Variants in GRIN2A observed in about 807,000 individuals in gnomAD.
GRIN2A encodes glutamate ionotropic receptor NMDA type subunit 2A, also known as glutamate receptor ionotropic, NMDA 2A.
Under a neutral mutation model 113.4 loss-of-function variants are expected in GRIN2A, and 22 were observed. The ratio of observed to expected loss-of-function variants is 0.19; its 90% CI spans 0.14 to 0.28. The LOEUF (loss-of-function observed/expected upper bound fraction) is 0.28, where lower values mean the gene tolerates loss of function less well. Ranked by LOEUF, GRIN2A falls within the 10% of genes least tolerant of loss-of-function variation. The pLI, the probability that GRIN2A is intolerant of heterozygous loss-of-function variation, is 1.00. For missense variants in GRIN2A, 1,502 were observed against 1,887.0 expected (o/e 0.80, Z 3.78); for synonymous variants, 827 against 738.4 (o/e 1.12, Z -1.94).
intron 2 of GRIN2A, among the ~76,000 whole-genome samples, chr16:9,951,753 T>C (rs2045189047): frequency 6.6e-6 from 1 of 152,190 alleles, no homozygotes; most frequent in Non-Finnish European, 1.5e-5. Flanking sequence ...CAAATTACTA[T>C]TTGAAAGGAG....
chr16:10,089,000 T>C (rs532213039), intron 2 of GRIN2A, among the ~76,000 whole-genome samples: 102 of 152,356 alleles, frequency 6.7e-4, no homozygotes, highest in Middle Eastern at 6.8e-3. Flanking sequence ...AGTTACATAA[T>C]GTCTCTCCTC....
chr16:9,921,528 A>C (rs1389122773), intron 3 of GRIN2A, among the ~76,000 whole-genome samples: 1 of 152,238 alleles, frequency 6.6e-6, no homozygotes, highest in Non-Finnish European at 1.5e-5. Flanking sequence ...TGAAAATAGA[A>C]ATAACACTAC....
At chr16:9,831,514 C>G (rs1015732489) in intron 8 of GRIN2A, among the ~76,000 whole-genome samples, 2 of 124,094 alleles carry the variant, frequency 1.6e-5, no homozygotes, top group Non-Finnish European at 3.4e-5. Flanking sequence ...TTTTTCTTTT[C>G]TTTTTCTTTT....
chr16:10,132,015 T>A (rs1803014355), intron 2 of GRIN2A, among the ~76,000 whole-genome samples: 1 of 152,124 alleles, frequency 6.6e-6, no homozygotes, highest in Non-Finnish European at 1.5e-5. Context: ...TCCCCATTTA[T>A]AAGTAAGGAA....
At chr16:10,168,510 T>G (rs1477256903) in intron 2 of GRIN2A, among the ~76,000 whole-genome samples, 1 of 152,152 alleles carries the variant, frequency 6.6e-6, no homozygotes, top group Non-Finnish European at 1.5e-5. Context: ...AACCCAACCT[T>G]GCAAGCCCAA....
intron 1 of GRIN2A, among the ~76,000 whole-genome samples, chr16:10,181,294 C>T (rs2050267402): frequency 1.3e-5 from 2 of 152,224 alleles, no homozygotes; most frequent in Non-Finnish European, 2.9e-5. Flanking sequence ...GCGCGTCCCC[C>T]CGCGGGCCAG....
intron 3 of GRIN2A, among the ~76,000 whole-genome samples, chr16:9,908,647 G>A (rs2044073506): frequency 6.6e-6 from 1 of 152,160 alleles, no homozygotes; most frequent in African/African-American, 2.4e-5. Context: ...AAAAGGAAAA[G>A]GGCTGTTTTC....
At chr16:9,883,341 G>T (rs1007054237) in intron 4 of GRIN2A, among the ~76,000 whole-genome samples, 2 of 152,200 alleles carry the variant, frequency 1.3e-5, no homozygotes, top group African/African-American at 4.8e-5. Flanking sequence ...AAACACAGAT[G>T]AAAGGAACAG....
intron 4 of GRIN2A, among the ~76,000 whole-genome samples, chr16:9,868,562 T>G (rs1403707933): frequency 6.6e-6 from 1 of 152,182 alleles, no homozygotes; most frequent in Non-Finnish European, 1.5e-5. Flanking sequence ...CCACCGTGCC[T>G]AGCCCAAATC....
chr16:9,797,872 G>A (rs557029537), intron 11 of GRIN2A, among the ~76,000 whole-genome samples: 125 of 152,194 alleles, frequency 8.2e-4, no homozygotes, highest in Non-Finnish European at 1.5e-3. Flanking sequence ...ATTCCCAGCC[G>A]TGATCACTGA....
At chr16:10,131,139 A>G (rs2049052969) in intron 2 of GRIN2A, among the ~76,000 whole-genome samples, 1 of 152,220 alleles carries the variant, frequency 6.6e-6, no homozygotes, top group Non-Finnish European at 1.5e-5. Flanking sequence ...TCAAGATGGC[A>G]TGGAGTGAGG....
intron 7 of GRIN2A, among the ~76,000 whole-genome samples, chr16:9,836,451 T>C (rs1384570969): frequency 1.3e-5 from 2 of 152,246 alleles, no homozygotes; most frequent in Admixed American, 6.5e-5. Context: ...TTATCCTATG[T>C]GCATGTAAGA....
At chr16:10,111,500 G>T in intron 2 of GRIN2A, 1 of 694,168 alleles carries the variant, frequency 1.4e-6, no homozygotes, top group Non-Finnish European at 2.6e-6. Flanking sequence ...ATTCTCCCAT[G>T]GTTCATAGAT....
chr16:10,099,628 T>C (rs2048355302), intron 2 of GRIN2A, among the ~76,000 whole-genome samples: 1 of 152,202 alleles, frequency 6.6e-6, no homozygotes, highest in Non-Finnish European at 1.5e-5. Flanking sequence ...GTTAAGGTAG[T>C]CTTGCCATCT....
At chr16:10,077,654 A>G (rs2047900543) in intron 2 of GRIN2A, among the ~76,000 whole-genome samples, 1 of 152,154 alleles carries the variant, frequency 6.6e-6, no homozygotes, top group Admixed American at 6.5e-5. Flanking sequence ...GGCCCTTTAG[A>G]GTTTGGCCTC....
chr16:9,880,761 C>T (rs1596533903), intron 4 of GRIN2A, among the ~76,000 whole-genome samples: 1 of 152,204 alleles, frequency 6.6e-6, no homozygotes, highest in South Asian at 2.1e-4. Flanking sequence ...CACACATATT[C>T]AGAAATCCAA....
At position 9,768,880 on chromosome 16, in the gene GRIN2A, G is replaced by C. The variant is rs201072838; in HGVS notation, c.2566C>G (p.Arg856Gly). 8.1e-6 allele frequency: 13 copies of C among 1,613,994 alleles called. No individual in the cohort carries two copies. In the East Asian group the frequency reaches 2.9e-4, roughly 36 times the overall value. ...CTGATGGAGAAGAGCAACCCAGGCC[G>C]GTCGGAGCACACGCCCGTGAAACAG... ...RFCFTGVCSD[R>G]PGLLFSISRG... The change falls in exon 12 of 13, where the codon CGG (arginine) becomes GGG (glycine). Residue 856 changes from arginine to glycine, a missense_variant. Transcript: ENST00000330684.
chr16:9,939,285 C>T (rs2044797455), intron 2 of GRIN2A, among the ~76,000 whole-genome samples: 2 of 152,134 alleles, frequency 1.3e-5, no homozygotes, highest in African/African-American at 4.8e-5. Flanking sequence ...ATGTTACAGT[C>T]AGAGGAATCC....
chr16:9,778,376 A>G (rs945880742), intron 11 of GRIN2A, among the ~76,000 whole-genome samples: 2 of 152,240 alleles, frequency 1.3e-5, no homozygotes, highest in Admixed American at 6.5e-5. Context: ...TAAAAGGCAC[A>G]TGCATTTGTG....
Sources: allele counts gnomAD v4.1 joint callset (sites outside exome capture counted in the v4.1 genomes callset), GRCh38; gene constraint gnomAD v4.1.1; transcripts MANE v1.5; gene names NCBI Gene and HGNC (gene_info 2026-07-23, HGNC 2026-07-21).